KCNH5: variants seen among roughly 807,000 people sequenced by gnomAD.
KCNH5 encodes potassium voltage-gated channel subfamily H member 5.
A neutral mutation model predicts 96.1 loss-of-function variants in KCNH5; 46 were observed. That is an observed-to-expected ratio of 0.48 (90% CI 0.38 to 0.61). The LOEUF is 0.61. Among genes scored for constraint, KCNH5 ranks in the 20% least tolerant of loss-of-function variants. The probability of loss-of-function intolerance (pLI) is 0.00; values close to 1 mark genes in which losing one functional copy is unlikely to be tolerated. For synonymous variants in KCNH5, 439 were observed against 449.8 expected (o/e 0.98, Z 0.30); for missense variants, 907 against 1,225.8 (o/e 0.74, Z 3.88).
chr14:62,818,388 AAAT>A (rs1887044168), intron 8 of KCNH5, among the ~76,000 whole-genome samples: 1 of 152,212 alleles, frequency 6.6e-6, no homozygotes, highest in Admixed American at 6.5e-5. Flanking sequence ...GAAAAATAAA[AAAT>A]AATTTTCTAA....
chr14:62,736,871 C>T (rs1033683058), intron 10 of KCNH5, among the ~76,000 whole-genome samples: 1 of 152,178 alleles, frequency 6.6e-6, no homozygotes, highest in Non-Finnish European at 1.5e-5. Flanking sequence ...TCCAAGACTA[C>T]ACCTTTTGAC....
chr14:62,918,806 T>C (rs759973438), intron 7 of KCNH5, among the ~76,000 whole-genome samples: 8 of 152,244 alleles, frequency 5.3e-5, no homozygotes, highest in East Asian at 3.9e-4. Flanking sequence ...TTTGACACTA[T>C]ATATCCAATA....
chr14:62,704,515 C>A lies in KCNH5; in HGVS notation c.*2993G>T, dbSNP rs536942126. The A allele has an allele frequency of 1.3e-5, 2 of 152,032 alleles. No homozygotes were observed. Among genetic ancestry groups the A allele is most frequent in the East Asian group, 3.9e-4 (2 of 5,184 alleles). 9.4% of individuals were successfully genotyped at this position (152,032 alleles called of 1,614,324 possible). On this transcript the variant is annotated 3_prime_UTR_variant, in exon 11 of 11. Transcript: ENST00000322893. ...AAACCTGCCATTATGATACATCACT[C>A]ACATTTCCATTCTAATTTGACTTTT...
intron 4 of KCNH5, among the ~76,000 whole-genome samples, chr14:63,000,866 A>G (rs1031592559): frequency 2.0e-5 from 3 of 152,162 alleles, no homozygotes; most frequent in South Asian, 2.1e-4. Flanking sequence ...CTTGAGCCCA[A>G]GTGTTTGAAA....
At chr14:62,989,468 CAT>C (rs1890770609) in intron 4 of KCNH5, among the ~76,000 whole-genome samples, 1 of 152,050 alleles carries the variant, frequency 6.6e-6, no homozygotes, top group Non-Finnish European at 1.5e-5. Flanking sequence ...CGTATTTTCA[CAT>C]GTTACAATCA....
intron 10 of KCNH5, among the ~76,000 whole-genome samples, chr14:62,750,745 G>A (rs1296226781): frequency 6.6e-6 from 1 of 152,198 alleles, no homozygotes; most frequent in African/African-American, 2.4e-5. Context: ...CTTAGAATCA[G>A]TGTAAATGTT....
At chr14:62,767,372 G>A (rs1292215667) in intron 10 of KCNH5, among the ~76,000 whole-genome samples, 4 of 152,044 alleles carry the variant, frequency 2.6e-5, no homozygotes, top group African/African-American at 9.7e-5. Flanking sequence ...ACACACACAT[G>A]CATATTTTCA....
chr14:62,811,548 A>G (rs928612450), intron 8 of KCNH5, among the ~76,000 whole-genome samples: 1 of 152,180 alleles, frequency 6.6e-6, no homozygotes, highest in African/African-American at 2.4e-5. Context: ...CCATGAATAC[A>G]GTATAGACAC....
chr14:62,896,868 A>C (rs780451567), intron 7 of KCNH5, among the ~76,000 whole-genome samples: 13 of 152,236 alleles, frequency 8.5e-5, no homozygotes, highest in Non-Finnish European at 1.9e-4. Flanking sequence ...CATTAAATGC[A>C]TTTTCAACTT....
At chr14:62,863,410 A>T (rs1237590297) in intron 7 of KCNH5, among the ~76,000 whole-genome samples, 3 of 152,206 alleles carry the variant, frequency 2.0e-5, no homozygotes, top group Non-Finnish European at 4.4e-5. Flanking sequence ...GAGGGATGAA[A>T]TCACAAGGCT....
At chr14:62,883,720 A>G (rs1888538533) in intron 7 of KCNH5, among the ~76,000 whole-genome samples, 2 of 152,060 alleles carry the variant, frequency 1.3e-5, no homozygotes, top group African/African-American at 4.8e-5. Flanking sequence ...TTCACGTTAC[A>G]CACTGTTGTC....
chr14:62,755,404 A>G (rs1412286512), intron 10 of KCNH5, among the ~76,000 whole-genome samples: 4 of 152,204 alleles, frequency 2.6e-5, no homozygotes, highest in African/African-American at 9.6e-5. Context: ...CCAAAACTTG[A>G]TAGACCAACA....
At chr14:62,835,379 A>G (rs1254247373) in intron 8 of KCNH5, among the ~76,000 whole-genome samples, 1 of 152,084 alleles carries the variant, frequency 6.6e-6, no homozygotes, top group Admixed American at 6.6e-5. Flanking sequence ...GGTCATTCTT[A>G]AAATTGTAAT....
chr14:62,989,208 T>G (rs550546804), intron 4 of KCNH5, among the ~76,000 whole-genome samples: 1 of 152,170 alleles, frequency 6.6e-6, no homozygotes, highest in Admixed American at 6.6e-5. Context: ...CTAAAACACA[T>G]GCCTTTTACC....
At chr14:62,986,742 T>C (rs528428057) in intron 5 of KCNH5, among the ~76,000 whole-genome samples, 1 of 152,156 alleles carries the variant, frequency 6.6e-6, no homozygotes, top group Non-Finnish European at 1.5e-5. Flanking sequence ...CTTTACATCC[T>C]TTGCAGAGTG....
At chr14:62,715,569 T>C (rs940323583) in intron 10 of KCNH5, among the ~76,000 whole-genome samples, 8 of 152,228 alleles carry the variant, frequency 5.3e-5, no homozygotes, top group African/African-American at 1.9e-4. Context: ...GTGATGGGGC[T>C]GTCGCAAATG....
rs1365046515 is a variant in KCNH5, at chr14:62,703,855, A to G, written c.*3653T>C. The G allele has an allele frequency of 6.6e-6, 1 of 151,916 alleles. No individual in the cohort carries two copies. Among genetic ancestry groups the G allele is most frequent in the Admixed American group, 6.6e-5 (1 of 15,246 alleles). The allele number at this position is 151,916 out of a possible 1,614,324, so 9.4% of individuals were successfully genotyped here. A position where few individuals can be genotyped will look rare whatever the true frequency, so the allele number is the denominator to read the frequency against. On this transcript the variant is annotated 3_prime_UTR_variant, in exon 11 of 11. Transcript: ENST00000322893. ...ATAGAAAATTGCTTAAAAGATAAAA[A>G]TTATACAAGATAGTGGAATTCATTA...
chr14:62,914,494 A>T (rs2140103371), intron 7 of KCNH5, among the ~76,000 whole-genome samples: 1 of 152,346 alleles, frequency 6.6e-6, no homozygotes, highest in South Asian at 2.1e-4. Flanking sequence ...GTGGTTTTAT[A>T]ATCATTTTTT....
intron 10 of KCNH5, among the ~76,000 whole-genome samples, chr14:62,739,641 A>G (rs2139933219): frequency 6.6e-6 from 1 of 152,222 alleles, no homozygotes; most frequent in South Asian, 2.1e-4. Flanking sequence ...GAAACTATAA[A>G]TCTCAAAGGC....
Sources: gnomAD v4.1 joint callset for allele counts (sites outside exome capture counted in the v4.1 genomes callset) on GRCh38, gnomAD v4.1.1 for gene constraint, MANE v1.5 for transcripts, NCBI Gene and HGNC (gene_info 2026-07-23, HGNC 2026-07-21) for gene names.